Variants in LINGO2 observed in about 807,000 individuals in gnomAD.
LINGO2 encodes the protein leucine-rich repeat and immunoglobulin-like domain-containing nogo receptor-interacting protein 2.
In LINGO2, 14 loss-of-function variants were observed where a neutral mutation model predicts 30.6. The observed-to-expected ratio is 0.46, with a 90% CI of 0.30 to 0.72. The LOEUF is 0.72. LINGO2 is among the 30% of genes least tolerant of loss of function. LINGO2 has a pLI of 0.07. For synonymous variants in LINGO2, 317 were observed against 288.5 expected, an observed-to-expected ratio of 1.10 and a Z score of -1.00; for missense variants, 729 against 751.7, an observed-to-expected ratio of 0.97 and a Z score of 0.35.
At chr9:28,302,176 T>C (rs761837159) in intron 3 of LINGO2, among the ~76,000 whole-genome samples, 2 of 152,122 alleles carry the variant, frequency 1.3e-5, no homozygotes, top group African/African-American at 2.4e-5. Context: ...AACAAGCTAA[T>C]GCAATCAAGT....
chr9:28,652,801 G>A (rs140132921), intron 1 of LINGO2, among the ~76,000 whole-genome samples: 236 of 152,048 alleles, frequency 1.6e-3, no homozygotes, highest in Non-Finnish European at 2.0e-3. Flanking sequence ...GAAGAAAATG[G>A]TTGATTCATT....
chr9:29,044,321 C>T, the LINGO2 span, among the ~76,000 whole-genome samples: 19 of 152,002 alleles, frequency 1.2e-4, no homozygotes, highest in Middle Eastern at 3.4e-3. Context: ...ATGACTCCTC[C>T]TTTGTTCTAA....
the LINGO2 span, among the ~76,000 whole-genome samples, chr9:28,840,910 G>C: frequency 5.3e-3 from 809 of 151,892 alleles, 22 homozygotes; most frequent in African/African-American, 0.019. Flanking sequence ...TAATGGGGTT[G>C]TTGGTGTTAA....
At chr9:28,755,927 A>T in the LINGO2 span, among the ~76,000 whole-genome samples, 3 of 152,082 alleles carry the variant, frequency 2.0e-5, no homozygotes, top group East Asian at 5.8e-4. Context: ...CGGCTTTGAA[A>T]TGTCTTGATT....
the LINGO2 span, among the ~76,000 whole-genome samples, chr9:29,028,292 T>C: frequency 3.3e-5 from 5 of 152,160 alleles, no homozygotes; most frequent in East Asian, 1.9e-4. Flanking sequence ...ATATAGAATA[T>C]GTGTGGACAG....
At chr9:28,306,807 G>A (rs981119610) in intron 3 of LINGO2, among the ~76,000 whole-genome samples, 51 of 152,078 alleles carry the variant, frequency 3.4e-4, no homozygotes, top group Non-Finnish European at 3.7e-4. Context: ...ACACCTCTAC[G>A]CAAATAAACT....
At position 28,218,514 on chromosome 9, in the gene LINGO2, T is replaced by A. The variant is rs4574938; in HGVS notation, c.-87+76694A>T. Among the ~76,000 whole-genome samples, 370 of 151,952 alleles carry A rather than the reference T, an allele frequency of 2.4e-3. 3 individuals carry two copies. Among genetic ancestry groups the A allele is most frequent in the African/African-American group, 8.0e-3 (333 of 41,442 alleles). ...CATGTTCTCCACGATAAAGAACAGA[T>A]GTGACAAAGCCATGGCCTCTAATAA... On this transcript the variant is annotated intron_variant, in intron 4 of 5. Coordinates refer to ENST00000379992, the Ensembl canonical transcript of LINGO2.
intron 1 of LINGO2, among the ~76,000 whole-genome samples, chr9:28,551,691 A>G (rs1177819408): frequency 6.6e-6 from 1 of 152,082 alleles, no homozygotes; most frequent in Non-Finnish European, 1.5e-5. Context: ...TTTCTCTGCA[A>G]TATGATTATA....
intron 4 of LINGO2, among the ~76,000 whole-genome samples, chr9:28,109,483 T>C (rs544109180): frequency 7.9e-5 from 12 of 152,280 alleles, no homozygotes; most frequent in African/African-American, 2.9e-4. Context: ...CATGATTCTA[T>C]ATTTAGAAAA....
chr9:28,370,730 A>T (rs1257302751), intron 3 of LINGO2, among the ~76,000 whole-genome samples: 2 of 152,208 alleles, frequency 1.3e-5, no homozygotes, highest in Non-Finnish European at 2.9e-5. Context: ...AGACCTTCCT[A>T]TCCTCCATAC....
At chr9:28,950,305 A>C in the LINGO2 span, among the ~76,000 whole-genome samples, 1 of 152,190 alleles carries the variant, frequency 6.6e-6, no homozygotes, top group South Asian at 2.1e-4. Flanking sequence ...ATGGGTAAAA[A>C]TTGGAAGCAT....
At chr9:28,343,722 T>C (rs376489767) in intron 3 of LINGO2, among the ~76,000 whole-genome samples, 1 of 152,072 alleles carries the variant, frequency 6.6e-6, no homozygotes, top group Non-Finnish European at 1.5e-5. Context: ...AGGTCAAAAA[T>C]GTAGGGAAAA....
chr9:28,274,750 C>T (rs1364469773), intron 4 of LINGO2, among the ~76,000 whole-genome samples: 3 of 152,130 alleles, frequency 2.0e-5, no homozygotes, highest in African/African-American at 7.2e-5. Flanking sequence ...TTACCAACAC[C>T]CCACACGATA....
the LINGO2 span, among the ~76,000 whole-genome samples, chr9:28,847,250 G>A: frequency 2.7e-5 from 4 of 148,050 alleles, no homozygotes; most frequent in Non-Finnish European, 4.5e-5. Context: ...GGCTAATAAG[G>A]AAACAGATAT....
At chr9:29,023,038 T>C in the LINGO2 span, among the ~76,000 whole-genome samples, 2 of 151,896 alleles carry the variant, frequency 1.3e-5, no homozygotes, top group East Asian at 1.9e-4. Flanking sequence ...ATTAACACCA[T>C]GCTGCCTACA....
the LINGO2 span, among the ~76,000 whole-genome samples, chr9:29,194,494 A>C: frequency 6.6e-6 from 1 of 152,144 alleles, no homozygotes; most frequent in Non-Finnish European, 1.5e-5. Flanking sequence ...TCTCCTTTCA[A>C]GGCAGATTTC....
chr9:28,461,544 G>A (rs1052398667), intron 2 of LINGO2, among the ~76,000 whole-genome samples: 1 of 152,132 alleles, frequency 6.6e-6, no homozygotes, highest in African/African-American at 2.4e-5. Context: ...GATTCTTAAA[G>A]ATGTAAACAA....
At chr9:28,250,012 C>G (rs1822140034) in intron 4 of LINGO2, among the ~76,000 whole-genome samples, 1 of 152,060 alleles carries the variant, frequency 6.6e-6, no homozygotes, top group Admixed American at 6.6e-5. Context: ...GGTACTCATT[C>G]TCAGACATGA....
intron 4 of LINGO2, among the ~76,000 whole-genome samples, chr9:28,032,839 G>A (rs1029729557): frequency 2.6e-5 from 4 of 152,120 alleles, no homozygotes; most frequent in Non-Finnish European, 5.9e-5. Flanking sequence ...GCCACATCAG[G>A]GAAACACTGT....
Sources: allele counts gnomAD v4.1 joint callset (sites outside exome capture counted in the v4.1 genomes callset), GRCh38; gene constraint gnomAD v4.1.1; transcripts MANE v1.5; gene names NCBI Gene and HGNC (gene_info 2026-07-23, HGNC 2026-07-21).